CLASP2: variants seen among roughly 807,000 people sequenced by gnomAD.
CLASP2 encodes the protein CLIP-associating protein 2.
Under a neutral mutation model 194.4 loss-of-function variants are expected in CLASP2, and 47 were observed. The ratio of observed to expected loss-of-function variants is 0.24; its 90% CI spans 0.19 to 0.31. CLASP2 has a LOEUF of 0.31. Ranked by LOEUF, CLASP2 falls within the 10% of genes least tolerant of loss-of-function variation. The probability of loss-of-function intolerance (pLI) is 1.00; values close to 1 mark genes in which losing one functional copy is unlikely to be tolerated. For missense variants in CLASP2, 1,445 were observed against 1,823.6 expected (o/e 0.79, Z 3.78); for synonymous variants, 619 against 633.5 (o/e 0.98, Z 0.34).
intron 23 of CLASP2, 40 bp from the exon 24 acceptor site, chr3:33,576,315 A>G: frequency 1.3e-6 from 2 of 1,522,694 alleles, no homozygotes; most frequent in Non-Finnish European, 9.1e-7. Flanking sequence ...TGAAGGAGTC[A>G]TAAATATAAC....
At chr3:33,503,312 C>T (rs577695897) in intron 37 of CLASP2, 1 of 152,018 alleles carries the variant, frequency 6.6e-6, no homozygotes, top group Non-Finnish European at 1.5e-5. Context: ...GTGAATAGTG[C>T]TGCTATGAAC....
Position 33,581,858 on chromosome 3 carries a change from G to A in CLASP2, c.2310C>T (p.Ser770=). ...GCSREASRES[S]RDTSPVRSFQ... Reference sequence around the variant, plus strand: ...AAGAGCGAACAGGACTTGTGTCTCTGCTGCTCTCCCGACTAGCTTCCCGGC... The same window carrying A: ...AAGAGCGAACAGGACTTGTGTCTCTACTGCTCTCCCGACTAGCTTCCCGGC... The change falls in exon 23 of 39, where the codon AGC becomes AGT. Residue 770 remains serine, a synonymous_variant. Transcript: ENST00000682230. 1.2e-6 allele frequency: 2 copies of A among 1,613,700 alleles called. No homozygotes were observed. The highest frequency in any genetic ancestry group is 4.5e-5 in the East Asian group (2 of 44,888).
chr3:33,688,324 A>C lies in CLASP2; in HGVS notation c.423T>G (p.Phe141Leu), dbSNP rs1284495807. The C allele has an allele frequency of 9.4e-6, 15 of 1,593,702 alleles. No individual in the cohort carries two copies. The highest frequency in any genetic ancestry group is 1.3e-5 in the African/African-American group (1 of 74,598). The change falls in exon 4 of 39, where the codon TTT becomes TTG. Residue 141 changes from phenylalanine (F) to leucine (L), a missense_variant. Physicochemically the swap from Phe to Leu is conservative, Grantham distance 22. Around this residue, in one of 4 missense-constraint regions of CLASP2, gnomAD observed 332 missense variants for 325.3 expected, o/e 1.02. Coordinates refer to ENST00000682230, the MANE Select transcript of CLASP2 (RefSeq NM_001365631.1). ...ACAGACACACGCCTTCTCGAGATCG[A>C]AAATTCTTGTGTTTAAAACCAGAAG... ...QLASGFKHKN[F>L]RSREGVCLCL... is the part of the protein sequence containing the mutation.
At chr3:33,517,688 GT>G (rs763862559) in intron 34 of CLASP2, among the ~76,000 whole-genome samples, 14 of 152,004 alleles carry the variant, frequency 9.2e-5, no homozygotes, top group Non-Finnish European at 1.9e-4. Context: ...CTGAGACAGG[GT>G]TTCACTTTGT....
intron 30 of CLASP2, among the ~76,000 whole-genome samples, chr3:33,548,271 T>C (rs888744092): frequency 2.6e-5 from 4 of 152,110 alleles, no homozygotes; most frequent in Admixed American, 2.0e-4. Context: ...TAAAAAAAGT[T>C]TTAGAAAATG....
At chr3:33,687,217 T>A in intron 4 of CLASP2, 82 bp from the exon 5 acceptor site, 1 of 837,304 alleles carries the variant, frequency 1.2e-6, no homozygotes, top group South Asian at 1.7e-5. Flanking sequence ...TTCTTGTCTG[T>A]AGCAATATAA....
At chr3:33,715,922 T>G (rs1178974779) in intron 1 of CLASP2, among the ~76,000 whole-genome samples, 1 of 146,924 alleles carries the variant, frequency 6.8e-6, no homozygotes, top group Non-Finnish European at 1.5e-5. Context: ...AAGCAACAGA[T>G]TAATTAGAAT....
At chr3:33,595,471 A>T (rs998259123) in intron 19 of CLASP2, among the ~76,000 whole-genome samples, 1 of 152,094 alleles carries the variant, frequency 6.6e-6, no homozygotes, top group Non-Finnish European at 1.5e-5. Context: ...TACAAAGCAA[A>T]AACCTATCAA....
At chr3:33,521,117 T>C (rs1323788751) in intron 34 of CLASP2, among the ~76,000 whole-genome samples, 5 of 152,112 alleles carry the variant, frequency 3.3e-5, no homozygotes, top group Non-Finnish European at 7.4e-5. Context: ...CAAGGGCAAT[T>C]TGAGCTTCAA....
chr3:33,679,056 T>C (rs751193985), intron 6 of CLASP2, among the ~76,000 whole-genome samples: 7 of 152,120 alleles, frequency 4.6e-5, no homozygotes, highest in Non-Finnish European at 1.0e-4. Flanking sequence ...AACAGACAAA[T>C]GGATCAATGG....
chr3:33,644,786 G>C lies in CLASP2; in HGVS notation c.833C>G (p.Pro278Arg). 1 of 1,613,416 alleles carries C rather than the reference G, an allele frequency of 6.2e-7. No homozygotes were observed. Among genetic ancestry groups the C allele is most frequent in the South Asian group, 1.1e-5 (1 of 90,982 alleles). Reference protein sequence around the residue: ...SGNPANSARKPGSAGGPKVGG... With the variant: ...SGNPANSARKRGSAGGPKVGG... ...AACCTTAGGGCCACCTGCTGAACCAGGCTTCCTTGCACTGTTGGCAGGATT... is the reference window on the plus strand; with the variant it reads ...AACCTTAGGGCCACCTGCTGAACCACGCTTCCTTGCACTGTTGGCAGGATT... The change falls in exon 8 of 39, where the codon CCT becomes CGT. Residue 278 changes from proline to arginine, a missense_variant. Physicochemically the swap from Pro to Arg is moderately radical, Grantham distance 103 (BLOSUM62 -2). Transcript: ENST00000682230.
At chr3:33,566,662 T>C (rs1367373168) in intron 27 of CLASP2, 70 bp downstream of exon 27, 6 of 417,428 alleles carry the variant, frequency 1.4e-5, no homozygotes, top group South Asian at 3.6e-5. Context: ...GGAGAGAAAA[T>C]AGAGAAAAAG....
At chr3:33,627,149 G>A (rs1235501293) in intron 9 of CLASP2, 69 bp from the exon 10 acceptor site, 1 of 871,386 alleles carries the variant, frequency 1.1e-6, no homozygotes, top group African/African-American at 1.7e-5. Flanking sequence ...ATGCCCTGAT[G>A]TTTAAAATAA....
intron 12 of CLASP2, among the ~76,000 whole-genome samples, chr3:33,616,959 T>C (rs898761727): frequency 1.3e-5 from 2 of 151,414 alleles, no homozygotes; most frequent in Non-Finnish European, 1.5e-5. Flanking sequence ...TGGCTGGTCT[T>C]GACTCCTGTG....
intron 30 of CLASP2, among the ~76,000 whole-genome samples, chr3:33,550,556 T>C (rs2059860081): frequency 6.6e-6 from 1 of 151,668 alleles, no homozygotes; most frequent in African/African-American, 2.4e-5. Context: ...AGGAGCTCTC[T>C]AGAAAATAAA....
chr3:33,639,439 T>C (rs1035923970), intron 8 of CLASP2, among the ~76,000 whole-genome samples: 2 of 152,158 alleles, frequency 1.3e-5, no homozygotes, highest in African/African-American at 4.8e-5. Context: ...GTAACATCCA[T>C]AGAAAGGCTA....
At chr3:33,522,920 C>T (rs1437582110) in intron 34 of CLASP2, among the ~76,000 whole-genome samples, 3 of 152,038 alleles carry the variant, frequency 2.0e-5, no homozygotes, top group Non-Finnish European at 4.4e-5. Context: ...AACACACACA[C>T]ACAAAATTAG....
chr3:33,707,186 A>G (rs2092726213), intron 1 of CLASP2, among the ~76,000 whole-genome samples: 1 of 152,206 alleles, frequency 6.6e-6, no homozygotes, highest in Non-Finnish European at 1.5e-5. Context: ...ACAGCAAAGA[A>G]GCAGTCAAAG....
intron 29 of CLASP2, among the ~76,000 whole-genome samples, chr3:33,557,385 G>T (rs754550630): frequency 6.6e-6 from 1 of 150,652 alleles, no homozygotes; most frequent in Admixed American, 6.6e-5. Flanking sequence ...AATGGACAGG[G>T]TCTCACTCTG....
Sources: allele counts gnomAD v4.1 joint callset (sites outside exome capture counted in the v4.1 genomes callset), GRCh38; gene constraint gnomAD v4.1.1; regional missense constraint gnomAD v4.1.1; transcripts MANE v1.5; gene names NCBI Gene and HGNC (gene_info 2026-07-23, HGNC 2026-07-21).